AGTPBP1: variants seen among roughly 807,000 people sequenced by gnomAD.
AGTPBP1 encodes the protein ATP/GTP binding carboxypeptidase 1.
AGTPBP1 carries 70 observed loss-of-function variants against 143.9 expected under a neutral mutation model. The ratio of observed to expected loss-of-function variants is 0.49; its 90% CI spans 0.40 to 0.59. The LOEUF is 0.59. Among genes scored for constraint, AGTPBP1 ranks in the 20% least tolerant of loss-of-function variants. The pLI is 0.00. For missense variants in AGTPBP1, 1,229 were observed against 1,464.5 expected, an observed-to-expected ratio of 0.84 and a Z score of 2.62; for synonymous variants, 463 against 500.2, an observed-to-expected ratio of 0.93 and a Z score of 0.99.
At chr9:85,746,773 G>A (rs1824590373), upstream of AGTPBP1, among the ~76,000 whole-genome samples, 2 of 151,884 alleles carry the variant, frequency 1.3e-5, no homozygotes, top group Admixed American at 1.3e-4. Context: ...AAACCAAAAT[G>A]CTAACTATGT....
chr9:85,594,878 G>T (rs960490318), intron 18 of AGTPBP1, among the ~76,000 whole-genome samples: 1 of 152,164 alleles, frequency 6.6e-6, no homozygotes, highest in Non-Finnish European at 1.5e-5. Flanking sequence ...ACATAAAGAA[G>T]CATGAAAGTA....
intron 6 of AGTPBP1, among the ~76,000 whole-genome samples, 192 bp from the exon 7 acceptor site, chr9:85,672,873 T>G (rs75208814): frequency 2.8e-3 from 428 of 152,012 alleles, no homozygotes; most frequent in African/African-American, 0.01. Flanking sequence ...TAGCTGGGAT[T>G]ACAGGCACCC....
intron 25 of AGTPBP1, among the ~76,000 whole-genome samples, chr9:85,548,010 T>G (rs923042891): frequency 1.3e-5 from 2 of 152,160 alleles, no homozygotes; most frequent in African/African-American, 4.8e-5. Flanking sequence ...ATTTGTGAGA[T>G]TTACACCCCC....
intron 17 of AGTPBP1, among the ~76,000 whole-genome samples, chr9:85,614,123 C>T (rs2133464715): frequency 6.6e-6 from 1 of 152,040 alleles, no homozygotes; most frequent in African/African-American, 2.4e-5. Context: ...AATGTAAACA[C>T]TAGCAACATT....
chr9:85,751,012 C>A, the AGTPBP1 span, among the ~76,000 whole-genome samples: 3 of 152,208 alleles, frequency 2.0e-5, no homozygotes, highest in African/African-American at 7.2e-5. Context: ...CCTAATCGTA[C>A]CTCTCTGCTC....
chr9:85,739,569 G>A (rs781076011), intron 1 of AGTPBP1, among the ~76,000 whole-genome samples: 5 of 152,054 alleles, frequency 3.3e-5, no homozygotes, highest in Admixed American at 1.3e-4. Flanking sequence ...TTAGCCGGGC[G>A]TGGTGGTGTG....
At chr9:85,598,100 A>T (rs1466880020) in intron 17 of AGTPBP1, among the ~76,000 whole-genome samples, 1 of 152,154 alleles carries the variant, frequency 6.6e-6, no homozygotes, top group African/African-American at 2.4e-5. Flanking sequence ...CATATTTTTA[A>T]AAATTTCCCT....
At chr9:85,789,949 T>C in the AGTPBP1 span, among the ~76,000 whole-genome samples, 1 of 152,206 alleles carries the variant, frequency 6.6e-6, no homozygotes, top group Non-Finnish European at 1.5e-5. Context: ...ACTTATTTCC[T>C]TAGGCACCTA....
the AGTPBP1 span, chr9:85,793,420 C>G: frequency 2.0e-5 from 3 of 152,082 alleles, no homozygotes; most frequent in African/African-American, 7.2e-5. Context: ...TTTAACATTA[C>G]CACAGTGGTC....
chr9:85,573,952 C>T (rs549462019), intron 25 of AGTPBP1, among the ~76,000 whole-genome samples: 1 of 152,306 alleles, frequency 6.6e-6, no homozygotes, highest in Non-Finnish European at 1.5e-5. Flanking sequence ...GCCCGGCCAC[C>T]ACCCCGTCTG....
At chr9:85,752,354 A>T in the AGTPBP1 span, among the ~76,000 whole-genome samples, 1 of 152,296 alleles carries the variant, frequency 6.6e-6, no homozygotes, top group Non-Finnish European at 1.5e-5. Flanking sequence ...AACACAAGAA[A>T]TTGAACATTA....
the AGTPBP1 span, among the ~76,000 whole-genome samples, chr9:85,747,925 T>C: frequency 4.6e-5 from 7 of 152,204 alleles, no homozygotes; most frequent in Admixed American, 4.6e-4. Context: ...TATCCTTTTT[T>C]CTTATTTTCA....
At chr9:85,746,109 C>CCT (rs1264225440), upstream of AGTPBP1, among the ~76,000 whole-genome samples, 1 of 152,082 alleles carries the variant, frequency 6.6e-6, no homozygotes, top group African/African-American at 2.4e-5. Flanking sequence ...GACCAGCCTT[C>CCT]CTTTTCCCCC....
intron 18 of AGTPBP1, 37 bp downstream of exon 18, chr9:85,596,325 T>A: frequency 7.0e-7 from 1 of 1,423,728 alleles, no homozygotes. Context: ...CTGCCTTCTG[T>A]AAGCTGACAT....
intron 13 of AGTPBP1, among the ~76,000 whole-genome samples, chr9:85,636,011 A>C (rs1832017950): frequency 6.6e-6 from 1 of 152,148 alleles, no homozygotes; most frequent in Non-Finnish European, 1.5e-5. Flanking sequence ...GATTCAATCT[A>C]TAATGGTGAC....
intron 4 of AGTPBP1, among the ~76,000 whole-genome samples, chr9:85,680,587 A>T (rs1293178892): frequency 6.6e-6 from 1 of 152,160 alleles, no homozygotes; most frequent in Non-Finnish European, 1.5e-5. Flanking sequence ...CTGTCTCAAA[A>T]AAAAAAGAAA....
At chr9:85,588,194 G>A (rs542109140) in intron 21 of AGTPBP1, 104 bp downstream of exon 21, 18 of 1,071,540 alleles carry the variant, frequency 1.7e-5, no homozygotes, top group Non-Finnish European at 2.1e-5. Flanking sequence ...CTTTATTCTA[G>A]AAAAATCACT....
chr9:85,746,934 G>A (rs1423542342), upstream of AGTPBP1, among the ~76,000 whole-genome samples: 2 of 152,188 alleles, frequency 1.3e-5, no homozygotes, highest in East Asian at 3.9e-4. Context: ...GCCCACTGCA[G>A]CCTCCAATTC....
the AGTPBP1 span, chr9:85,781,298 G>T: frequency 9.1e-5 from 142 of 1,568,262 alleles, 1 homozygote; most frequent in African/African-American, 1.8e-3. Context: ...AAAACCAGCC[G>T]GGATCATAAG....
Sources: allele counts gnomAD v4.1 joint callset (sites outside exome capture counted in the v4.1 genomes callset), GRCh38; gene constraint gnomAD v4.1.1; transcripts MANE v1.5; gene names NCBI Gene and HGNC (gene_info 2026-07-23, HGNC 2026-07-21).